UBE2D2: variants seen among roughly 807,000 people sequenced by gnomAD.
UBE2D2 encodes the protein ubiquitin conjugating enzyme E2 D2, also known as ubiquitin-conjugating enzyme E2 D2.
Under a neutral mutation model 24.2 loss-of-function variants are expected in UBE2D2, and 2 were observed. That is an observed-to-expected ratio of 0.08 (90% CI 0.03 to 0.26). UBE2D2 has a LOEUF of 0.26. Ranked by LOEUF, UBE2D2 falls within the 10% of genes least tolerant of loss-of-function variation. The probability of loss-of-function intolerance (pLI) is 1.00; values close to 1 mark genes in which losing one functional copy is unlikely to be tolerated. For synonymous variants in UBE2D2, 58 were observed against 56.5 expected, an observed-to-expected ratio of 1.03 and a Z score of -0.12; for missense variants, 44 against 177.6, an observed-to-expected ratio of 0.25 and a Z score of 4.28.
At chr5:139,553,810 T>C (rs1219551693) in intron 1 of UBE2D2, among the ~76,000 whole-genome samples, 2 of 152,162 alleles carry the variant, frequency 1.3e-5, no homozygotes, top group African/African-American at 4.8e-5. Context: ...GATGGAATCT[T>C]ACTCTGTCAC....
chr5:139,550,542 C>G (rs1047990292), intron 1 of UBE2D2, among the ~76,000 whole-genome samples: 4 of 152,128 alleles, frequency 2.6e-5, no homozygotes, highest in East Asian at 1.9e-4. Context: ...GTAGTGGCAA[C>G]TGGCTCAGGT....
Position 139,561,759 on chromosome 5 carries a change from C to T in UBE2D2, c.-33C>T. 1 of 1,486,492 alleles carries T rather than the reference C, an allele frequency of 6.7e-7. No individual in the cohort carries two copies. The highest frequency in any genetic ancestry group is 8.9e-7 in the Non-Finnish European group (1 of 1,123,960). The allele number at this position is 1,486,492 out of a possible 1,614,324, so 92.1% of individuals were successfully genotyped here. ...CCCGTCCCTTCCCCGCCCCCGTCCC[C>T]GCCCCGGGGGCCGCCGCCACCCGCC... On this transcript the variant is annotated 5_prime_UTR_variant, in exon 1 of 7. Transcript: ENST00000398733.
chr5:139,575,171 A>G (rs542560041), intron 1 of UBE2D2, among the ~76,000 whole-genome samples: 1 of 152,202 alleles, frequency 6.6e-6, no homozygotes, highest in Non-Finnish European at 1.5e-5. Context: ...CTTCTGAAGT[A>G]TGTATTTCAG....
At chr5:139,578,638 A>T (rs1215394124) in intron 1 of UBE2D2, among the ~76,000 whole-genome samples, 1 of 151,902 alleles carries the variant, frequency 6.6e-6, no homozygotes, top group Non-Finnish European at 1.5e-5. Flanking sequence ...ATTTTTGTAG[A>T]GATAGGGTCT....
chr5:139,559,247 A>C (rs1753020137), upstream of UBE2D2, among the ~76,000 whole-genome samples: 3 of 152,052 alleles, frequency 2.0e-5, no homozygotes, highest in South Asian at 6.2e-4. Flanking sequence ...TAACAAGGTG[A>C]AATCCCGTTT....
At position 139,567,783 on chromosome 5, in the gene UBE2D2, C is replaced by G. The variant is rs538860078; in HGVS notation, c.24+5968C>G. ...TCCTGACCTCCAGTGATCCACCCGC[C>G]TCGACCTCCCAAAGTGCTGGGATTA... On this transcript the variant is annotated intron_variant, in intron 1 of 6. Coordinates refer to ENST00000398733, the MANE Select transcript of UBE2D2 (RefSeq NM_003339.3). Among the ~76,000 whole-genome samples, 15 of 151,846 alleles carry G rather than the reference C, an allele frequency of 9.9e-5. No homozygotes were observed. In the East Asian group the frequency reaches 3.0e-3, roughly 30 times the overall value.
rs149964615 is a variant in UBE2D2 at position 139,542,374 on chromosome 5, G to A, written c.-64+15762G>A. ...CCTATGGCATGATACAGTTTGTTTT[G>A]TTTTGTTTTGTGGAGATAGAGTCTC... On this transcript the variant is annotated intron_variant, in intron 1 of 6. Coordinates refer to the UBE2D2 transcript ENST00000511725. 2.6e-3 allele frequency among the ~76,000 whole-genome samples: 402 copies of A among 151,984 alleles called. 1 individual carries two copies. Among genetic ancestry groups the A allele is most frequent in the Non-Finnish European group, 4.5e-3 (304 of 67,968 alleles).
At chr5:139,564,294 C>T (rs1028974926) in intron 1 of UBE2D2, among the ~76,000 whole-genome samples, 6 of 152,050 alleles carry the variant, frequency 3.9e-5, no homozygotes, top group Admixed American at 2.6e-4. Context: ...GCTGGGATTA[C>T]AGGCACGCAC....
At chr5:139,544,058 C>G (rs1752790403) in intron 1 of UBE2D2, among the ~76,000 whole-genome samples, 1 of 151,848 alleles carries the variant, frequency 6.6e-6, no homozygotes, top group African/African-American at 2.4e-5. Flanking sequence ...GAGTATAAAG[C>G]AAAAAGTGAA....
chr5:139,569,054 C>T (rs1367941890), intron 1 of UBE2D2, among the ~76,000 whole-genome samples: 1 of 152,134 alleles, frequency 6.6e-6, no homozygotes, highest in African/African-American at 2.4e-5. Flanking sequence ...GAATTCCTAT[C>T]AAAATGATGA....
chr5:139,532,350 C>T (rs1246564225), intron 1 of UBE2D2, among the ~76,000 whole-genome samples: 5 of 147,478 alleles, frequency 3.4e-5, no homozygotes, highest in East Asian at 2.0e-4. Flanking sequence ...GGCTAGTTTT[C>T]GTATTTTTTT....
rs561181982 is a variant in UBE2D2 at position 139,561,906 on chromosome 5, C to G, written c.24+91C>G. Reference sequence around the variant, plus strand: ...GTAGTCTCCGTCGGGCTCGCGGCCTCCTTGGATCTTGCTGCCGGTGCTGGC... The same window carrying G: ...GTAGTCTCCGTCGGGCTCGCGGCCTGCTTGGATCTTGCTGCCGGTGCTGGC... On this transcript the variant is annotated intron_variant, in intron 1 of 6. Transcript: ENST00000398733. 203 of 1,421,746 alleles carry G rather than the reference C, an allele frequency of 1.4e-4. No homozygotes were observed. The African/African-American group carries it at 2.6e-3, about 18-fold the overall frequency. The allele number at this position is 1,421,746 out of a possible 1,614,324, so 88.1% of individuals were successfully genotyped here. A position where few individuals can be genotyped will look rare whatever the true frequency, so the allele number is the denominator to read the frequency against.
upstream of UBE2D2, among the ~76,000 whole-genome samples, chr5:139,559,425 C>CAA (rs113176227): frequency 9.2e-6 from 1 of 108,482 alleles, no homozygotes; most frequent in Admixed American, 9.8e-5. Flanking sequence ...GACTCCGTCT[C>CAA]AAAAAAAAAA....
At chr5:139,547,280 G>A (rs934968269) in intron 1 of UBE2D2, among the ~76,000 whole-genome samples, 1 of 151,962 alleles carries the variant, frequency 6.6e-6, no homozygotes, top group African/African-American at 2.4e-5. Context: ...GACAGAGCGA[G>A]ACTCCGTCTC....
intron 1 of UBE2D2, among the ~76,000 whole-genome samples, chr5:139,566,945 G>T (rs146612347): frequency 2.0e-5 from 3 of 151,618 alleles, no homozygotes; most frequent in Admixed American, 6.6e-5. Context: ...AACAAAATAC[G>T]CATTTTTGGT....
chr5:139,619,592 G>T (rs561287380), intron 5 of UBE2D2, among the ~76,000 whole-genome samples: 10 of 152,010 alleles, frequency 6.6e-5, no homozygotes, highest in Non-Finnish European at 1.3e-4. Flanking sequence ...TGCCAGGTGC[G>T]GTGGCTCACT....
rs769496772 is a variant in UBE2D2, at chr5:139,580,522, C to T, written c.24+18707C>T. On this transcript the variant is annotated intron_variant, in intron 1 of 6. Coordinates refer to ENST00000398733, the MANE Select transcript of UBE2D2 (RefSeq NM_003339.3). ...CGTGACCCAGGCTGGAGTGCAGTGG[C>T]GCGATCTCGGCTTACTGCAACCTCC... is the stretch of plus-strand genomic sequence containing the variant. Among the ~76,000 whole-genome samples the T allele has an allele frequency of 4.9e-4, 74 of 152,074 alleles. 1 individual carries two copies. Among genetic ancestry groups the T allele is most frequent in the Non-Finnish European group, 9.1e-4 (62 of 68,010 alleles).
intron 1 of UBE2D2, among the ~76,000 whole-genome samples, chr5:139,550,975 T>C (rs1752913083): frequency 3.9e-5 from 6 of 152,314 alleles, no homozygotes; most frequent in Admixed American, 3.3e-4. Flanking sequence ...ATCATTGTAC[T>C]ACACGGCTCT....
intron 1 of UBE2D2, among the ~76,000 whole-genome samples, chr5:139,589,817 C>G (rs947217676): frequency 6.6e-6 from 1 of 151,726 alleles, no homozygotes; most frequent in African/African-American, 2.4e-5. Flanking sequence ...CGGAGTCTTG[C>G]TCCGTCGCCC....
Sources: gnomAD v4.1 joint callset for allele counts (sites outside exome capture counted in the v4.1 genomes callset) on GRCh38, gnomAD v4.1.1 for gene constraint, MANE v1.5 for transcripts, NCBI Gene and HGNC (gene_info 2026-07-23, HGNC 2026-07-21) for gene names.